Variants in CHD6 observed in about 807,000 individuals in gnomAD.
The protein encoded by CHD6 is chromodomain helicase DNA binding protein 6.
CHD6 carries 50 observed loss-of-function variants against 276.9 expected under a neutral mutation model. The observed-to-expected ratio is 0.18, with a 90% confidence interval of 0.14 to 0.23. The LOEUF is 0.23. Ranked by LOEUF, CHD6 falls within the 10% of genes least tolerant of loss-of-function variation. The pLI, the probability that CHD6 is intolerant of heterozygous loss-of-function variation, is 1.00. For synonymous variants in CHD6, 1,173 were observed against 1,229.3 expected (o/e 0.95, Z 0.96); for missense variants, 2,564 against 3,365.8 (o/e 0.76, Z 5.89).
intron 3 of CHD6, among the ~76,000 whole-genome samples, chr20:41,520,035 G>A (rs925244014): frequency 1.3e-5 from 2 of 152,180 alleles, no homozygotes; most frequent in Admixed American, 1.3e-4. Flanking sequence ...TTTCTCGAAA[G>A]AAGACATTTA....
At chr20:41,529,626 A>C (rs2044631685) in intron 3 of CHD6, among the ~76,000 whole-genome samples, 1 of 152,216 alleles carries the variant, frequency 6.6e-6, no homozygotes, top group Admixed American at 6.5e-5. Flanking sequence ...GAGAAGGGTA[A>C]GAGCTGGGGA....
chr20:41,498,803 ATGTATGTATGTGTGTG>A lies in CHD6; in HGVS notation c.915+476_915+491del, dbSNP rs777926418. On this transcript the variant is annotated intron_variant, in intron 6 of 36. Coordinates refer to ENST00000373233, the MANE Select transcript of CHD6 (RefSeq NM_032221.5). Reference sequence around the variant, plus strand: ...TGTGTATGTATGTATGTATGTATGTATGTATGTATGTGTGTGTGTGTGTGTGTGTGTGTGTGTGTGT... The same window carrying A: ...TGTGTATGTATGTATGTATGTATGTATGTGTGTGTGTGTGTGTGTGTGTGT... Among the ~76,000 whole-genome samples the A allele has an allele frequency of 9.8e-3, 937 of 96,008 alleles. 4 individuals carry two copies. Among genetic ancestry groups the A allele is most frequent in the East Asian group, 0.032 (95 of 2,986 alleles). 63.0% of individuals were successfully genotyped at this position (96,008 alleles called of 152,430 possible). A position where few individuals can be genotyped will look rare whatever the true frequency, so the allele number is the denominator to read the frequency against.
chr20:41,552,177 C>A (rs1171037488), intron 1 of CHD6, among the ~76,000 whole-genome samples: 1 of 152,216 alleles, frequency 6.6e-6, no homozygotes, highest in African/African-American at 2.4e-5. Context: ...TTACCTTCCT[C>A]ATATACAAAC....
intron 36 of CHD6, among the ~76,000 whole-genome samples, chr20:41,408,340 C>G (rs2046741764): frequency 6.6e-6 from 1 of 152,184 alleles, no homozygotes; most frequent in African/African-American, 2.4e-5. Flanking sequence ...TTCTTCCCAG[C>G]ATGACCTGCC....
intron 12 of CHD6, 147 bp from the exon 13 acceptor site, chr20:41,488,751 T>C (rs906724630): frequency 1.5e-6 from 1 of 681,640 alleles, no homozygotes; most frequent in Non-Finnish European, 2.4e-6. Context: ...GAAAAGAGAA[T>C]ATAAGAATTA....
intron 1 of CHD6, among the ~76,000 whole-genome samples, chr20:41,560,169 G>A (rs1349636123): frequency 6.6e-6 from 1 of 152,082 alleles, no homozygotes; most frequent in Non-Finnish European, 1.5e-5. Flanking sequence ...CCAACAGTAT[G>A]TTTTCCTAAA....
chr20:41,514,636 G>A (rs2044207166), intron 4 of CHD6, among the ~76,000 whole-genome samples, 169 bp downstream of exon 4: 1 of 152,118 alleles, frequency 6.6e-6, no homozygotes, highest in Non-Finnish European at 1.5e-5. Flanking sequence ...TACTGATCGG[G>A]CTAGGGCAAA....
chr20:41,457,577 C>T, intron 17 of CHD6, 149 bp from the exon 18 acceptor site: 1 of 1,003,348 alleles, frequency 1.0e-6, no homozygotes, highest in Admixed American at 2.6e-5. Context: ...AGAATTTATA[C>T]CCAAAGGTTG....
intron 11 of CHD6, 50 bp downstream of exon 11, chr20:41,491,648 C>CAAT (rs2043557974): frequency 6.2e-7 from 1 of 1,611,114 alleles, no homozygotes; most frequent in Admixed American, 1.7e-5. Context: ...CAGGCTAAGG[C>CAAT]AATAATATAC....
chr20:41,595,773 G>A (rs375888939), intron 1 of CHD6, among the ~76,000 whole-genome samples: 6 of 151,786 alleles, frequency 4.0e-5, no homozygotes, highest in Admixed American at 1.3e-4. Context: ...TTGGACCAAA[G>A]AACCCACCCT....
chr20:41,405,211 CTCTT>C lies in CHD6; in HGVS notation c.7526_7529del (p.Glu2509GlyfsTer6). On this transcript the variant is annotated frameshift_variant, in exon 37 of 37. Coordinates refer to ENST00000373233, the MANE Select transcript of CHD6 (RefSeq NM_032221.5). LOFTEE classifies it high-confidence loss of function. ...GCAGCATGCTCAGGGTACTTTTGAC[CTCTT>C]CACCTGTTGGCATCGTGGCAAAGCC... The C allele has an allele frequency of 6.2e-7, 1 of 1,614,226 alleles. No homozygotes were observed. Among genetic ancestry groups the C allele is most frequent in the South Asian group, 1.1e-5 (1 of 91,090 alleles).
chr20:41,560,900 C>A (rs4812526), intron 1 of CHD6, among the ~76,000 whole-genome samples: 56,758 of 151,670 alleles, frequency 0.37, 13,079 homozygotes, highest in African/African-American at 0.63. Flanking sequence ...CAGAGGCAGT[C>A]ATTTAAACTT....
intron 2 of CHD6, chr20:41,547,753 A>G: frequency 1.8e-6 from 1 of 542,666 alleles, no homozygotes. Context: ...GAGATTGTCA[A>G]CACTGCTCGA....
chr20:41,553,705 A>G (rs891922868), intron 1 of CHD6, among the ~76,000 whole-genome samples: 9 of 152,170 alleles, frequency 5.9e-5, no homozygotes, highest in African/African-American at 2.2e-4. Flanking sequence ...GCGATTGCGT[A>G]CCCTTTCTGC....
At chr20:41,535,456 C>G (rs1053086957) in intron 2 of CHD6, among the ~76,000 whole-genome samples, 3 of 152,306 alleles carry the variant, frequency 2.0e-5, no homozygotes, top group African/African-American at 7.2e-5. Flanking sequence ...TGGATTTGAA[C>G]TTTCCATCTG....
chr20:41,471,282 T>C (rs377677446), intron 17 of CHD6, among the ~76,000 whole-genome samples: 1 of 152,250 alleles, frequency 6.6e-6, no homozygotes, highest in African/African-American at 2.4e-5. Flanking sequence ...TTAATCTGTA[T>C]AATTGTCGTA....
intron 26 of CHD6, among the ~76,000 whole-genome samples, chr20:41,439,142 G>C (rs113730223): frequency 6.6e-6 from 1 of 152,188 alleles, no homozygotes; most frequent in African/African-American, 2.4e-5. Flanking sequence ...TGGATCACAA[G>C]GTCAGGGGTT....
chr20:41,443,275 C>T (rs2047956546), intron 25 of CHD6, among the ~76,000 whole-genome samples: 1 of 152,178 alleles, frequency 6.6e-6, no homozygotes, highest in Admixed American at 6.5e-5. Context: ...ACTCTATCTC[C>T]AATATGAGAC....
chr20:41,608,251 C>T (rs577099137), intron 1 of CHD6, among the ~76,000 whole-genome samples: 1 of 152,036 alleles, frequency 6.6e-6, no homozygotes, highest in African/African-American at 2.4e-5. Flanking sequence ...CAAAAAGTTT[C>T]CATTAAGCAA....
Sources: gnomAD v4.1 joint callset for allele counts (sites outside exome capture counted in the v4.1 genomes callset) on GRCh38, gnomAD v4.1.1 for gene constraint, MANE v1.5 for transcripts, NCBI Gene and HGNC (gene_info 2026-07-23, HGNC 2026-07-21) for gene names.